ZNF385D: variants seen among roughly 807,000 people sequenced by gnomAD.
The protein encoded by ZNF385D is zinc finger protein 659.
A neutral mutation model predicts 35.8 loss-of-function variants in ZNF385D; 15 were observed. That is an observed-to-expected ratio of 0.42 (90% CI 0.28 to 0.64). ZNF385D has a LOEUF of 0.64. ZNF385D is among the 30% of genes least tolerant of loss of function. The pLI is 0.23. For missense variants in ZNF385D, 474 were observed against 494.6 expected (o/e 0.96, Z 0.39); for synonymous variants, 212 against 186.8 (o/e 1.13, Z -1.10).
intron 3 of ZNF385D, among the ~76,000 whole-genome samples, chr3:21,804,645 C>T (rs1024155196): frequency 7.2e-5 from 11 of 152,130 alleles, no homozygotes; most frequent in African/African-American, 1.7e-4. Context: ...CTATTTACCT[C>T]TGGGCAATTC....
At chr3:21,888,620 G>T (rs1357960849) in intron 3 of ZNF385D, among the ~76,000 whole-genome samples, 1 of 152,102 alleles carries the variant, frequency 6.6e-6, no homozygotes, top group East Asian at 1.9e-4. Flanking sequence ...GAAACAGCAG[G>T]TCTAGTTACT....
intron 1 of ZNF385D, among the ~76,000 whole-genome samples, chr3:21,675,270 C>G (rs564772308): frequency 7.9e-5 from 12 of 152,118 alleles, no homozygotes; most frequent in African/African-American, 2.6e-4. Flanking sequence ...CTCTATCTTT[C>G]TTAAACATGG....
At chr3:21,768,937 T>C (rs371993947) in intron 3 of ZNF385D, among the ~76,000 whole-genome samples, 186 of 152,176 alleles carry the variant, frequency 1.2e-3, no homozygotes, top group African/African-American at 4.0e-3. Context: ...ATTTAGAAAG[T>C]TGACTGTGCA....
chr3:22,209,772 TTC>T (rs1017144584), intron 2 of ZNF385D, among the ~76,000 whole-genome samples: 6 of 150,094 alleles, frequency 4.0e-5, no homozygotes, highest in Non-Finnish European at 7.4e-5. Flanking sequence ...CATTTTTTTT[TTC>T]ACTTAGCTAA....
intron 3 of ZNF385D, among the ~76,000 whole-genome samples, chr3:21,979,192 G>C (rs1254459191): frequency 6.6e-6 from 1 of 152,064 alleles, no homozygotes; most frequent in Non-Finnish European, 1.5e-5. Flanking sequence ...TTTGTAAAAA[G>C]GAGGATATGG....
intron 2 of ZNF385D, among the ~76,000 whole-genome samples, chr3:22,263,319 C>A (rs1700730485): frequency 1.3e-5 from 2 of 151,974 alleles, no homozygotes; most frequent in Admixed American, 6.6e-5. Flanking sequence ...CACTTGGGGA[C>A]TTTCCAACTT....
At chr3:21,640,483 A>G (rs1191570236) in intron 2 of ZNF385D, among the ~76,000 whole-genome samples, 1 of 152,094 alleles carries the variant, frequency 6.6e-6, no homozygotes, top group African/African-American at 2.4e-5. Context: ...CTAAGAGGTG[A>G]GACCTTTGGG....
chr3:22,215,752 T>C (rs1697836216), intron 2 of ZNF385D, among the ~76,000 whole-genome samples: 1 of 151,958 alleles, frequency 6.6e-6, no homozygotes, highest in Non-Finnish European at 1.5e-5. Flanking sequence ...CACACCCTAT[T>C]TGTACACACC....
intron 2 of ZNF385D, among the ~76,000 whole-genome samples, chr3:21,584,666 C>A (rs913277086): frequency 1.3e-5 from 2 of 151,962 alleles, no homozygotes; most frequent in African/African-American, 4.8e-5. Context: ...TTTCTAGTTT[C>A]TTTTTCCCTT....
At chr3:21,479,004 T>C (rs1468468376) in intron 4 of ZNF385D, among the ~76,000 whole-genome samples, 3 of 151,622 alleles carry the variant, frequency 2.0e-5, no homozygotes, top group African/African-American at 7.3e-5. Flanking sequence ...TAAAGAAATA[T>C]ATAACATGAT....
chr3:21,900,141 G>T (rs1699327021), intron 3 of ZNF385D, among the ~76,000 whole-genome samples: 1 of 152,092 alleles, frequency 6.6e-6, no homozygotes, highest in Non-Finnish European at 1.5e-5. Flanking sequence ...TCAAAGATAT[G>T]CCAATTAAAA....
chr3:21,891,688 A>C (rs2125883274), intron 3 of ZNF385D, among the ~76,000 whole-genome samples: 1 of 152,348 alleles, frequency 6.6e-6, no homozygotes, highest in South Asian at 2.1e-4. Context: ...AAGTGGTTAC[A>C]TTAGTTTGAA....
At chr3:22,025,728 G>C (rs1013855635) in intron 3 of ZNF385D, among the ~76,000 whole-genome samples, 1 of 152,168 alleles carries the variant, frequency 6.6e-6, no homozygotes, top group Non-Finnish European at 1.5e-5. Flanking sequence ...AAGGCTTAGG[G>C]AGATTGGGAT....
rs139920040 is a variant in ZNF385D at position 22,293,654 on chromosome 3, T to C, written c.106+78796A>G. On this transcript the variant is annotated intron_variant, in intron 2 of 5. Coordinates refer to the ZNF385D transcript ENST00000494108. ...AATGCTACCTGAATATTTTCCTCAG[T>C]TGTTCCACAGCTTGGCATGACTCCC... Among the ~76,000 whole-genome samples the C allele has an allele frequency of 1.2e-4, 18 of 152,244 alleles. No homozygotes were observed. The East Asian group carries it at 3.5e-3, about 29-fold the overall frequency.
intron 2 of ZNF385D, among the ~76,000 whole-genome samples, chr3:22,351,096 A>G (rs1037914092): frequency 3.9e-5 from 6 of 152,160 alleles, no homozygotes; most frequent in African/African-American, 9.6e-5. Flanking sequence ...AGCTGCATGT[A>G]TATCTACAAT....
intron 3 of ZNF385D, among the ~76,000 whole-genome samples, chr3:22,038,857 T>C (rs1021251860): frequency 1.3e-5 from 2 of 150,924 alleles, no homozygotes; most frequent in African/African-American, 4.8e-5. Flanking sequence ...GTGTCTATCA[T>C]AACAAAGATA....
chr3:21,649,288 A>G (rs1215404534), intron 2 of ZNF385D, among the ~76,000 whole-genome samples: 2 of 152,172 alleles, frequency 1.3e-5, no homozygotes, highest in African/African-American at 4.8e-5. Flanking sequence ...CTGGAAGGCA[A>G]ATAAGGATGA....
chr3:21,532,250 T>A (rs1410147727), intron 3 of ZNF385D, among the ~76,000 whole-genome samples: 1 of 152,076 alleles, frequency 6.6e-6, no homozygotes, highest in Admixed American at 6.5e-5. Flanking sequence ...CTTGGTGAGA[T>A]CATGAGCTGG....
intron 3 of ZNF385D, among the ~76,000 whole-genome samples, chr3:21,808,660 G>T (rs573732033): frequency 6.4e-4 from 97 of 152,304 alleles, no homozygotes; most frequent in African/African-American, 2.3e-3. Context: ...ACAGCAAAGG[G>T]GCAAATCACC....
Sources: allele counts gnomAD v4.1 joint callset (sites outside exome capture counted in the v4.1 genomes callset), GRCh38; gene constraint gnomAD v4.1.1; transcripts MANE v1.5; gene names NCBI Gene and HGNC (gene_info 2026-07-23, HGNC 2026-07-21).